The following PALD1 variants were observed in gnomAD, a reference collection of about 807,000 sequenced individuals.
PALD1 encodes the protein paladin.
In PALD1, 57 loss-of-function variants were observed where a neutral mutation model predicts 96.0. The ratio of observed to expected loss-of-function variants is 0.59; its 90% CI spans 0.48 to 0.74. The LOEUF is 0.74. Among genes scored for constraint, PALD1 ranks in the 30% least tolerant of loss-of-function variants. The pLI, the probability that PALD1 is intolerant of heterozygous loss-of-function variation, is 0.00. For missense variants in PALD1, 1,063 were observed against 1,143.7 expected (o/e 0.93, Z 1.02); for synonymous variants, 464 against 473.6 (o/e 0.98, Z 0.26).
chr10:70,479,859 G>T (rs1845899012), intron 1 of PALD1, among the ~76,000 whole-genome samples: 1 of 152,216 alleles, frequency 6.6e-6, no homozygotes, highest in African/African-American at 2.4e-5. Flanking sequence ...CCCCTGGAAT[G>T]TGTGGATGGA....
intron 1 of PALD1, among the ~76,000 whole-genome samples, chr10:70,517,960 A>T (rs1846651562): frequency 6.6e-6 from 1 of 151,670 alleles, no homozygotes; most frequent in African/African-American, 2.4e-5. Context: ...CTGGAGTGCA[A>T]TGGCGCAATC....
chr10:70,532,336 G>C (rs753992131), intron 5 of PALD1, among the ~76,000 whole-genome samples: 2 of 152,198 alleles, frequency 1.3e-5, no homozygotes, highest in Non-Finnish European at 2.9e-5. Flanking sequence ...CTCGGCTCCA[G>C]CTCCCAGCTG....
chr10:70,463,833 A>G, the PALD1 span, among the ~76,000 whole-genome samples: 1 of 152,148 alleles, frequency 6.6e-6, no homozygotes, highest in African/African-American at 2.4e-5. Context: ...GGAAGAAAGG[A>G]AGATCTGGAT....
At chr10:70,458,497 G>C in the PALD1 span, among the ~76,000 whole-genome samples, 2 of 152,306 alleles carry the variant, frequency 1.3e-5, no homozygotes, top group African/African-American at 4.8e-5. Context: ...AGCGCGCGGA[G>C]GGCGACCCGG....
In PALD1 at chr10:70,539,383, G is replaced by A; in HGVS notation, c.1725+136G>A. On this transcript the variant is annotated intron_variant, in intron 14 of 19. Coordinates refer to ENST00000263563, the MANE Select transcript of PALD1 (RefSeq NM_014431.3). The surrounding 1 kb of genome is among the most constrained non-coding windows in gnomAD (Gnocchi z 4.5). Reference sequence around the variant, plus strand: ...CCCGGGAGGAGCAGTGTCAGGGAGTGGCCAACTCAGGATTCCCACTAAAGT... The same window carrying A: ...CCCGGGAGGAGCAGTGTCAGGGAGTAGCCAACTCAGGATTCCCACTAAAGT... 9.4e-7 allele frequency: 1 copy of A among 1,067,006 alleles called. No individual in the cohort carries two copies. The highest frequency in any genetic ancestry group is 1.3e-6 in the Non-Finnish European group (1 of 758,536). The allele number at this position is 1,067,006 out of a possible 1,614,324, so 66.1% of individuals were successfully genotyped here. A position where few individuals can be genotyped will look rare whatever the true frequency, so the allele number is the denominator to read the frequency against.
rs1216133185 is a variant in PALD1 at position 70,478,877 on chromosome 10, C to T, written c.-212C>T. 1.3e-5 allele frequency: 2 copies of T among 151,952 alleles called. No homozygotes were observed. Among genetic ancestry groups the T allele is most frequent in the African/African-American group, 4.8e-5 (2 of 41,414 alleles). The allele number at this position is 151,952 out of a possible 1,614,324, so 9.4% of individuals were successfully genotyped here. On this transcript the variant is annotated 5_prime_UTR_variant, in exon 1 of 20. Coordinates refer to ENST00000263563, the MANE Select transcript of PALD1 (RefSeq NM_014431.3). ...CTCTCGCGTGGCCTCGCCGGGTCCG[C>T]CTGGCCTGCCCACCTCCGGAGCCAC...
rs1283546490 is a variant in PALD1, at chr10:70,514,432, A to C, written c.-29-11491A>C. On this transcript the variant is annotated intron_variant, in intron 1 of 19. Transcript: ENST00000263563. ...GAGAAACACATAATTTAGCAGGTGA[A>C]GGGTTCCTGTGATCCCAGCCCCCAG... Among the ~76,000 whole-genome samples the C allele has an allele frequency of 2.6e-5, 4 of 151,694 alleles. No individual in the cohort carries two copies. The East Asian group carries it at 7.7e-4, about 29-fold the overall frequency.
chr10:70,546,802 T>A (rs560287967), intron 17 of PALD1, among the ~76,000 whole-genome samples: 1 of 152,168 alleles, frequency 6.6e-6, no homozygotes, highest in African/African-American at 2.4e-5. Context: ...GTACAAGATA[T>A]TAGCCAGGCG....
intron 1 of PALD1, among the ~76,000 whole-genome samples, chr10:70,520,690 T>TC (rs1564694823): frequency 1.9e-5 from 2 of 107,422 alleles, no homozygotes; most frequent in African/African-American, 6.9e-5. Context: ...TCTTTCTTTT[T>TC]TTTTTTTTTT....
At chr10:70,465,240 C>T in the PALD1 span, among the ~76,000 whole-genome samples, 1 of 152,292 alleles carries the variant, frequency 6.6e-6, no homozygotes, top group South Asian at 2.1e-4. Flanking sequence ...TCCCAAAGTG[C>T]TGGGATTACA....
chr10:70,523,770 T>G (rs1589194201), intron 1 of PALD1, among the ~76,000 whole-genome samples: 3 of 149,674 alleles, frequency 2.0e-5, no homozygotes, highest in South Asian at 2.1e-4. Flanking sequence ...GGGTTGGGGG[T>G]GGGAGGATCT....
chr10:70,510,278 G>A (rs1237126504), intron 1 of PALD1, among the ~76,000 whole-genome samples: 2 of 152,118 alleles, frequency 1.3e-5, no homozygotes, highest in Non-Finnish European at 2.9e-5. Context: ...TTGGAAGTGG[G>A]GCTGAAGTGT....
intron 18 of PALD1, among the ~76,000 whole-genome samples, chr10:70,558,531 C>T (rs1847662760): frequency 6.6e-6 from 1 of 152,162 alleles, no homozygotes; most frequent in Admixed American, 6.5e-5. Flanking sequence ...AGTCTGCACT[C>T]TAGTGACGGA....
chr10:70,530,540 C>A (rs184809903), intron 4 of PALD1, among the ~76,000 whole-genome samples: 138 of 152,304 alleles, frequency 9.1e-4, no homozygotes, highest in African/African-American at 3.1e-3. Context: ...CCCCAAGACC[C>A]AAACCCAGGC....
chr10:70,551,460 C>G (rs3812713), intron 18 of PALD1, among the ~76,000 whole-genome samples: 28,554 of 152,098 alleles, frequency 0.19, 3,525 homozygotes, highest in Non-Finnish European at 0.24. Context: ...TCCCCTCCAT[C>G]GGCTTAATTT....
At chr10:70,463,413 A>G in the PALD1 span, among the ~76,000 whole-genome samples, 2 of 152,040 alleles carry the variant, frequency 1.3e-5, no homozygotes, top group Non-Finnish European at 2.9e-5. Context: ...AAAAAAGAAC[A>G]GGTAAAGCAG....
the PALD1 span, among the ~76,000 whole-genome samples, chr10:70,464,687 G>T: frequency 6.5e-5 from 9 of 138,550 alleles, no homozygotes. Context: ...GTGCAGTGGT[G>T]CAGTCTCTGC....
At chr10:70,482,273 G>A (rs780633777) in intron 1 of PALD1, among the ~76,000 whole-genome samples, 15 of 152,178 alleles carry the variant, frequency 9.9e-5, no homozygotes, top group Non-Finnish European at 5.9e-5. Context: ...CAGGCTGGGC[G>A]GGCGTATGGA....
chr10:70,566,746 C>A lies in PALD1; in HGVS notation c.*13C>A, dbSNP rs1471051263. On this transcript the variant is annotated 3_prime_UTR_variant, in exon 20 of 20. Transcript: ENST00000263563. ...GGACTTGCTGTAGGGGGCCTTACTC[C>A]CTGTCCCCCCACCCACAGGGCCCCA... 2 of 1,559,640 alleles carry A rather than the reference C, an allele frequency of 1.3e-6. No homozygotes were observed. Among genetic ancestry groups the A allele is most frequent in the East Asian group, 4.6e-5 (2 of 43,408 alleles).
Sources: allele counts gnomAD v4.1 joint callset (sites outside exome capture counted in the v4.1 genomes callset), GRCh38; gene constraint gnomAD v4.1.1; non-coding constraint Gnocchi (gnomAD v3.1); transcripts MANE v1.5; gene names NCBI Gene and HGNC (gene_info 2026-07-23, HGNC 2026-07-21).